The following TMPRSS11D variants were observed in gnomAD, a reference collection of about 807,000 sequenced individuals.
TMPRSS11D encodes the protein transmembrane protease serine 11D.
A neutral mutation model predicts 44.4 loss-of-function variants in TMPRSS11D; 32 were observed. The ratio of observed to expected loss-of-function variants is 0.72; its 90% confidence interval spans 0.54 to 0.97. TMPRSS11D has a LOEUF of 0.97. TMPRSS11D is among the 50% of genes least tolerant of loss of function. TMPRSS11D has a pLI of 0.00. For missense variants in TMPRSS11D, 446 were observed against 502.6 expected (o/e 0.89, Z 1.08); for synonymous variants, 179 against 177.9 (o/e 1.01, Z -0.05).
chr4:67,831,802 T>G (rs1717952418), intron 7 of TMPRSS11D, among the ~76,000 whole-genome samples: 1 of 152,174 alleles, frequency 6.6e-6, no homozygotes, highest in African/African-American at 2.4e-5. Flanking sequence ...TGGGAGTATC[T>G]TTTAAAGTTT....
At chr4:67,848,282 A>G (rs1718406342) in intron 3 of TMPRSS11D, among the ~76,000 whole-genome samples, 1 of 152,190 alleles carries the variant, frequency 6.6e-6, no homozygotes, top group Non-Finnish European at 1.5e-5. Flanking sequence ...TTTTATTTGG[A>G]GAAAACCATG....
At chr4:67,822,583 A>G (rs1717674492) in intron 9 of TMPRSS11D, 85 bp from the exon 10 acceptor site, 1 of 1,425,944 alleles carries the variant, frequency 7.0e-7, no homozygotes, top group Non-Finnish European at 9.7e-7. Context: ...CAGTCGAGGA[A>G]GGAGTCACAT....
rs1577824231 is a variant in TMPRSS11D, at chr4:67,859,627, A to G, written c.60T>C (p.Cys20=). 2 of 1,613,228 alleles carry G rather than the reference A, an allele frequency of 1.2e-6. No individual in the cohort carries two copies. The highest frequency in any genetic ancestry group is 4.5e-5 in the East Asian group (2 of 44,854). The change falls in exon 2 of 10, where the codon TGT becomes TGC. Residue 20 remains cysteine, a synonymous_variant. Coordinates refer to ENST00000283916, the MANE Select transcript of TMPRSS11D (RefSeq NM_004262.3). ...TSRFLNPYVV[C]FIVVAGVVIL... The stretch of plus-strand genomic sequence containing the variant: ...TCACTACCCCTGCGACGACAATGAA[A>G]CATACTACATATGGATTCAGAAATC...
chr4:67,828,944 T>G (rs531310011), intron 7 of TMPRSS11D, among the ~76,000 whole-genome samples: 1 of 152,154 alleles, frequency 6.6e-6, no homozygotes, highest in African/African-American at 2.4e-5. Flanking sequence ...TAGCCAAAGC[T>G]TTAGTAGAAA....
chr4:67,848,465 A>G (rs958407359), intron 3 of TMPRSS11D, among the ~76,000 whole-genome samples: 1 of 152,202 alleles, frequency 6.6e-6, no homozygotes, highest in African/African-American at 2.4e-5. Context: ...ATGGATAGAA[A>G]ACAGTAATCT....
chr4:67,883,504 G>A (rs932524401), intron 1 of TMPRSS11D, among the ~76,000 whole-genome samples: 1 of 151,906 alleles, frequency 6.6e-6, no homozygotes, highest in African/African-American at 2.4e-5. Flanking sequence ...AGGATTTATG[G>A]CATATTTATT....
chr4:67,870,866 T>C (rs1719044669), intron 1 of TMPRSS11D, among the ~76,000 whole-genome samples: 1 of 152,036 alleles, frequency 6.6e-6, no homozygotes, highest in South Asian at 2.1e-4. Flanking sequence ...TATTATTTGC[T>C]TTATTATTTT....
intron 3 of TMPRSS11D, among the ~76,000 whole-genome samples, chr4:67,844,310 T>A (rs930574066): frequency 6.6e-6 from 1 of 152,202 alleles, no homozygotes; most frequent in African/African-American, 2.4e-5. Context: ...TTCACTCCTA[T>A]AGGATGATTG....
intron 7 of TMPRSS11D, among the ~76,000 whole-genome samples, chr4:67,830,205 A>G (rs1177072292): frequency 1.3e-5 from 2 of 152,074 alleles, no homozygotes; most frequent in African/African-American, 4.8e-5. Flanking sequence ...TATACATACA[A>G]AAAAACACTA....
intron 6 of TMPRSS11D, 66 bp downstream of exon 6, chr4:67,835,017 A>G (rs1177142117): frequency 6.9e-7 from 1 of 1,452,148 alleles, no homozygotes; most frequent in East Asian, 2.3e-5. Context: ...AAAGTACACA[A>G]AAGACTTGCA....
At chr4:67,848,629 T>G (rs1718416250) in intron 3 of TMPRSS11D, among the ~76,000 whole-genome samples, 2 of 152,222 alleles carry the variant, frequency 1.3e-5, no homozygotes, top group South Asian at 4.1e-4. Flanking sequence ...GAGGAAATGC[T>G]TATTGAGCTG....
At chr4:67,872,641 CT>C (rs1028726171) in intron 1 of TMPRSS11D, among the ~76,000 whole-genome samples, 1 of 152,098 alleles carries the variant, frequency 6.6e-6, no homozygotes, top group Non-Finnish European at 1.5e-5. Context: ...TTAAATTTAT[CT>C]TTTAATGATT....
intron 3 of TMPRSS11D, among the ~76,000 whole-genome samples, chr4:67,845,065 G>A (rs1382267374): frequency 6.6e-6 from 1 of 152,152 alleles, no homozygotes; most frequent in Non-Finnish European, 1.5e-5. Context: ...ATTTGGCATT[G>A]CACTGGCACC....
chr4:67,844,575 A>ACCAGTCTG (rs2109675037), intron 3 of TMPRSS11D, among the ~76,000 whole-genome samples: 1 of 152,164 alleles, frequency 6.6e-6, no homozygotes, highest in Admixed American at 6.5e-5. Context: ...GGAGTTCGAG[A>ACCAGTCTG]CCAGTCTGGC....
intron 7 of TMPRSS11D, among the ~76,000 whole-genome samples, chr4:67,831,275 A>T (rs1717938136): frequency 6.6e-6 from 1 of 152,100 alleles, no homozygotes; most frequent in Admixed American, 6.6e-5. Context: ...ATAAGACCTC[A>T]TCACTTCTAT....
chr4:67,878,819 A>G (rs2109706365), intron 1 of TMPRSS11D, among the ~76,000 whole-genome samples: 1 of 152,150 alleles, frequency 6.6e-6, no homozygotes, highest in South Asian at 2.1e-4. Flanking sequence ...AGCTACACTC[A>G]GGAGGCTAAG....
intron 1 of TMPRSS11D, among the ~76,000 whole-genome samples, chr4:67,861,102 T>TAGGA (rs3037023): frequency 0.69 from 103,773 of 151,452 alleles, 35,948 homozygotes; most frequent in Non-Finnish European, 0.75. Flanking sequence ...GTATATAACA[T>TAGGA]AGAAAATAAC....
intron 8 of TMPRSS11D, among the ~76,000 whole-genome samples, 195 bp from the exon 9 acceptor site, chr4:67,826,069 C>T (rs1717785467): frequency 6.6e-6 from 1 of 151,990 alleles, no homozygotes; most frequent in Non-Finnish European, 1.5e-5. Context: ...TTTCACAGAT[C>T]AGTTTTTTTT....
At chr4:67,869,650 T>C (rs968901102) in intron 1 of TMPRSS11D, among the ~76,000 whole-genome samples, 1 of 152,188 alleles carries the variant, frequency 6.6e-6, no homozygotes, top group East Asian at 1.9e-4. Flanking sequence ...TGAAATTTGG[T>C]CTGTACTTCA....
Sources: gnomAD v4.1 joint callset for allele counts (sites outside exome capture counted in the v4.1 genomes callset) on GRCh38, gnomAD v4.1.1 for gene constraint, MANE v1.5 for transcripts, NCBI Gene and HGNC (gene_info 2026-07-23, HGNC 2026-07-21) for gene names.